Variants in SHB observed in about 807,000 individuals in gnomAD.
SHB encodes the protein SH2 domain containing adaptor protein B.
In SHB, 20 loss-of-function variants were observed where a neutral mutation model predicts 52.3. The observed-to-expected ratio is 0.38, with a 90% CI of 0.27 to 0.56. SHB has a LOEUF of 0.56. Ranked by LOEUF, SHB falls within the 20% of genes least tolerant of loss-of-function variation. The pLI, the probability that SHB is intolerant of heterozygous loss-of-function variation, is 0.71. For missense variants in SHB, 825 were observed against 723.3 expected (o/e 1.14, Z -1.61); for synonymous variants, 397 against 316.5 (o/e 1.25, Z -2.70).
intron 2 of SHB, among the ~76,000 whole-genome samples, chr9:38,001,428 C>G (rs1821011716): frequency 6.6e-6 from 1 of 152,230 alleles, no homozygotes; most frequent in South Asian, 2.1e-4. Flanking sequence ...AAACCCAGGG[C>G]TCTGTCCAGA....
intron 1 of SHB, among the ~76,000 whole-genome samples, chr9:38,041,555 G>C (rs1428028759): frequency 6.6e-6 from 1 of 152,112 alleles, no homozygotes; most frequent in Non-Finnish European, 1.5e-5. Context: ...GGCAAGTGCA[G>C]AGGTATAAAA....
chr9:38,068,131 G>C lies in SHB; in HGVS notation c.515C>G (p.Thr172Arg), dbSNP rs752996358. ...YRSSSERRPA[T>R]PAEVRYISPK... ...GGAGATGTAGCGCACCTCGGCCGGC[G>C]TGGCGGGCCGCCGCTCGCTGCTGCT... Residue 172 changes from threonine to arginine, a missense_variant, in exon 1 of 6, where the codon ACG becomes AGG. Transcript: ENST00000377707. 19 of 1,437,072 alleles carry C rather than the reference G, an allele frequency of 1.3e-5. No homozygotes were observed. The highest frequency in any genetic ancestry group is 3.0e-5 in the African/African-American group (2 of 66,644). 89.0% of individuals were successfully genotyped at this position (1,437,072 alleles called of 1,614,324 possible). A position where few individuals can be genotyped will look rare whatever the true frequency, so the allele number is the denominator to read the frequency against.
At chr9:37,960,588 T>C (rs1488826040) in intron 3 of SHB, among the ~76,000 whole-genome samples, 1 of 152,180 alleles carries the variant, frequency 6.6e-6, no homozygotes. Context: ...TCAATGTTTT[T>C]CCAAAAGTTC....
rs1832112672 is a variant in SHB at position 37,917,309 on chromosome 9, G to C, written c.*2512C>G. On this transcript the variant is annotated 3_prime_UTR_variant, in exon 6 of 6. Transcript: ENST00000377707. Reference sequence around the variant, plus strand: ...AGGGGCAGGAGGTTGGGCCTCCCAGGGAAACTTCAGGAAGACGAAGGCCAG... The same window carrying C: ...AGGGGCAGGAGGTTGGGCCTCCCAGCGAAACTTCAGGAAGACGAAGGCCAG... 6.6e-6 allele frequency among the ~76,000 whole-genome samples: 1 copy of C among 152,178 alleles called. No homozygotes were observed. The highest frequency in any genetic ancestry group is 2.4e-5 in the African/African-American group (1 of 41,444).
At chr9:38,027,521 G>C (rs1821358997) in intron 1 of SHB, among the ~76,000 whole-genome samples, 1 of 151,976 alleles carries the variant, frequency 6.6e-6, no homozygotes, top group South Asian at 2.1e-4. Context: ...GCACTAAAAT[G>C]CAAGTGGTTG....
At chr9:37,947,620 C>A (rs1339596854) in intron 5 of SHB, among the ~76,000 whole-genome samples, 1 of 152,234 alleles carries the variant, frequency 6.6e-6, no homozygotes, top group Non-Finnish European at 1.5e-5. Context: ...AGGGCAAAGC[C>A]CAGAAGTTGT....
At chr9:37,962,590 T>C (rs1832705211) in intron 3 of SHB, among the ~76,000 whole-genome samples, 1 of 151,926 alleles carries the variant, frequency 6.6e-6, no homozygotes, top group African/African-American at 2.4e-5. Flanking sequence ...CAATGTCACC[T>C]TGAACTCCTG....
chr9:38,031,518 G>A (rs1252861874), intron 1 of SHB, among the ~76,000 whole-genome samples: 3 of 152,114 alleles, frequency 2.0e-5, no homozygotes, highest in Non-Finnish European at 4.4e-5. Flanking sequence ...CATTACCCCA[G>A]GTGAGTGTTT....
intron 1 of SHB, among the ~76,000 whole-genome samples, chr9:38,030,276 C>T (rs1821397409): frequency 6.6e-6 from 1 of 152,202 alleles, no homozygotes; most frequent in Non-Finnish European, 1.5e-5. Context: ...CTTCCCCCCT[C>T]AGAGATGTTG....
At chr9:37,992,309 G>A (rs183480996) in intron 2 of SHB, among the ~76,000 whole-genome samples, 2 of 152,170 alleles carry the variant, frequency 1.3e-5, no homozygotes, top group Admixed American at 6.5e-5. Context: ...GCTGAGGCAG[G>A]AGAATCACTT....
Position 38,068,314 on chromosome 9 carries a change from C to A in SHB, c.332G>T (p.Arg111Leu), listed in dbSNP as rs1469262370. The A allele has an allele frequency of 7.2e-6, 11 of 1,523,276 alleles. No individual in the cohort carries two copies. The highest frequency in any genetic ancestry group is 6.2e-5 in the Admixed American group (3 of 48,366). 94.4% of individuals were successfully genotyped at this position (1,523,276 alleles called of 1,614,324 possible). The part of the protein sequence containing the change: ...SSLRKLRAMC[R>L]LDYCGGSGEP... Reference sequence around the variant, plus strand: ...CCCGCTGCCGCCGCAGTAGTCCAGGCGGCACATGGCGCGCAGTTTGCGCAG... The same window carrying A: ...CCCGCTGCCGCCGCAGTAGTCCAGGAGGCACATGGCGCGCAGTTTGCGCAG... Residue 111 changes from arginine (R) to leucine (L), a missense_variant, in exon 1 of 6, where the codon CGC (arginine) becomes CTC (leucine). Physicochemically the swap from Arg to Leu is moderately radical, Grantham distance 102. Transcript: ENST00000377707.
At chr9:38,016,737 A>C (rs1014237426) in intron 1 of SHB, among the ~76,000 whole-genome samples, 1 of 152,224 alleles carries the variant, frequency 6.6e-6, no homozygotes, top group African/African-American at 2.4e-5. Flanking sequence ...GGATCGACAG[A>C]CAGCCAGGGC....
chr9:37,972,086 C>G (rs1820596862), intron 3 of SHB, among the ~76,000 whole-genome samples: 1 of 152,190 alleles, frequency 6.6e-6, no homozygotes, highest in African/African-American at 2.4e-5. Flanking sequence ...ACTAGACCAT[C>G]AAAGGCAAGG....
chr9:37,948,626 G>C lies in SHB; in HGVS notation c.1346+9C>G. 1 of 1,613,046 alleles carries C rather than the reference G, an allele frequency of 6.2e-7. No individual in the cohort carries two copies. Among genetic ancestry groups the C allele is most frequent in the Non-Finnish European group, 8.5e-7 (1 of 1,179,952 alleles). On this transcript the variant is annotated intron_variant, in intron 5 of 5. Coordinates refer to ENST00000377707, the MANE Select transcript of SHB (RefSeq NM_003028.3). ...GAGGAGGGCTGGGGGTGCTCGGGGCGGCACTCACCTCAGGGAGAGGGAGTA... is the reference window on the plus strand; with the variant it reads ...GAGGAGGGCTGGGGGTGCTCGGGGCCGCACTCACCTCAGGGAGAGGGAGTA...
At chr9:38,067,409 A>C (rs1024387490) in intron 1 of SHB, among the ~76,000 whole-genome samples, 7 of 151,926 alleles carry the variant, frequency 4.6e-5, no homozygotes, top group Non-Finnish European at 8.8e-5. Context: ...GGGGTGGGGC[A>C]GGGCAGGGCC....
chr9:37,927,973 T>A (rs142782830), intron 5 of SHB, among the ~76,000 whole-genome samples: 127 of 151,820 alleles, frequency 8.4e-4, no homozygotes, highest in Admixed American at 1.9e-3. Context: ...CTACCTCTAA[T>A]TGAGGACTTT....
At chr9:37,979,858 C>T (rs1016048152) in intron 2 of SHB, among the ~76,000 whole-genome samples, 1 of 152,098 alleles carries the variant, frequency 6.6e-6, no homozygotes, top group African/African-American at 2.4e-5. Flanking sequence ...TTTTCCAATG[C>T]ACACAAAAGT....
intron 2 of SHB, among the ~76,000 whole-genome samples, chr9:37,981,775 T>C (rs969235361): frequency 6.6e-6 from 1 of 152,162 alleles, no homozygotes; most frequent in African/African-American, 2.4e-5. Context: ...TTCAACATTG[T>C]TGTGTTTTAC....
At chr9:37,969,089 C>A (rs1268426976) in intron 3 of SHB, among the ~76,000 whole-genome samples, 1 of 152,158 alleles carries the variant, frequency 6.6e-6, no homozygotes, top group East Asian at 1.9e-4. Context: ...GTGTAGATGT[C>A]GCAGAAATTA....
Sources: gnomAD v4.1 joint callset for allele counts (sites outside exome capture counted in the v4.1 genomes callset) on GRCh38, gnomAD v4.1.1 for gene constraint, MANE v1.5 for transcripts, NCBI Gene and HGNC (gene_info 2026-07-23, HGNC 2026-07-21) for gene names.